Variants in NCKAP5 observed in about 807,000 individuals in gnomAD.
The protein encoded by NCKAP5 is nck-associated protein 5.
Under a neutral mutation model 167.0 loss-of-function variants are expected in NCKAP5, and 92 were observed. The observed-to-expected ratio is 0.55, with a 90% CI of 0.47 to 0.66. The LOEUF (loss-of-function observed/expected upper bound fraction) is 0.66. Ranked by LOEUF, NCKAP5 falls within the 30% of genes least tolerant of loss-of-function variation. The pLI is 0.00. For missense variants in NCKAP5, 2,378 were observed against 2,315.0 expected (o/e 1.03, Z -0.56); for synonymous variants, 891 against 877.4 (o/e 1.02, Z -0.27).
At chr2:133,499,988 A>C (rs1682349887) in intron 3 of NCKAP5, among the ~76,000 whole-genome samples, 1 of 152,140 alleles carries the variant, frequency 6.6e-6, no homozygotes, top group African/African-American at 2.4e-5. Context: ...AAGCACTGTA[A>C]ACACTTCCAA....
At chr2:133,393,506 G>A (rs963361739) in intron 3 of NCKAP5, among the ~76,000 whole-genome samples, 2 of 152,192 alleles carry the variant, frequency 1.3e-5, no homozygotes, top group African/African-American at 4.8e-5. Context: ...CAAAAAGCAA[G>A]CATGTTTCAA....
At chr2:132,721,038 A>G (rs566420209) in intron 19 of NCKAP5, among the ~76,000 whole-genome samples, 1 of 151,238 alleles carries the variant, frequency 6.6e-6, no homozygotes, top group South Asian at 2.1e-4. Context: ...TGCTGTGCAC[A>G]GTAGCTCATG....
intron 3 of NCKAP5, among the ~76,000 whole-genome samples, chr2:133,371,440 T>G (rs538491151): frequency 2.0e-5 from 3 of 152,158 alleles, no homozygotes; most frequent in Non-Finnish European, 2.9e-5. Context: ...TGCTCCTTAA[T>G]GCCATGTGAA....
At chr2:132,744,755 A>G (rs1679501834) in intron 16 of NCKAP5, among the ~76,000 whole-genome samples, 1 of 151,798 alleles carries the variant, frequency 6.6e-6, no homozygotes, top group South Asian at 2.1e-4. Context: ...AAAGACAAAA[A>G]TTCTCAATAT....
At chr2:133,139,265 A>G (rs568231447) in intron 5 of NCKAP5, among the ~76,000 whole-genome samples, 19 of 152,318 alleles carry the variant, frequency 1.2e-4, no homozygotes, top group African/African-American at 4.6e-4. Flanking sequence ...ATTAGCCACA[A>G]CCATATCAGG....
intron 3 of NCKAP5, among the ~76,000 whole-genome samples, chr2:133,313,091 T>C (rs1681359337): frequency 6.6e-6 from 1 of 152,220 alleles, no homozygotes; most frequent in African/African-American, 2.4e-5. Flanking sequence ...CCCTAAAGAA[T>C]GCCCTTCCCA....
At chr2:133,417,146 G>C (rs1461893701) in intron 3 of NCKAP5, among the ~76,000 whole-genome samples, 1 of 148,982 alleles carries the variant, frequency 6.7e-6, no homozygotes, top group Non-Finnish European at 1.5e-5. Flanking sequence ...AAAAGGCAGT[G>C]TTTTGTTTGT....
chr2:132,782,423 C>T lies in NCKAP5; in HGVS notation c.4388G>A (p.Ser1463Asn). Reference protein sequence around the residue: ...DASATATDAVSSEAPLSPTIE... With the variant: ...DASATATDAVNSEAPLSPTIE... ...TGTGGGTGAGAGGGGGGCTTCTGAA[C>T]TCACAGCATCAGTCGCGGTTGCAGA... is the stretch of plus-strand genomic sequence containing the variant. Residue 1463 changes from serine to asparagine, a missense_variant, in exon 14 of 20, where the codon AGT becomes AAT. This residue lies in a region of NCKAP5 where 1,325 missense variants were observed against 1,274.5 expected (regional missense o/e 1.04). Transcript: ENST00000409261. 6.2e-7 allele frequency: 1 copy of T among 1,614,004 alleles called. No individual in the cohort carries two copies. The highest frequency in any genetic ancestry group is 8.5e-7 in the Non-Finnish European group (1 of 1,179,896).
At chr2:133,495,120 G>A (rs1376149495) in intron 3 of NCKAP5, among the ~76,000 whole-genome samples, 1 of 152,074 alleles carries the variant, frequency 6.6e-6, no homozygotes, top group African/African-American at 2.4e-5. Context: ...TGATCTAAAA[G>A]CCTCCAGTTT....
chr2:133,398,307 C>G (rs906641415), intron 3 of NCKAP5, among the ~76,000 whole-genome samples: 5 of 152,152 alleles, frequency 3.3e-5, no homozygotes, highest in African/African-American at 1.2e-4. Flanking sequence ...CTTGGAGTAC[C>G]TAATGCATGC....
At chr2:133,322,629 T>C (rs1394901844) in intron 3 of NCKAP5, among the ~76,000 whole-genome samples, 1 of 152,226 alleles carries the variant, frequency 6.6e-6, no homozygotes, top group African/African-American at 2.4e-5. Context: ...ATTATCTTTC[T>C]AGTAATTTTC....
chr2:133,585,050 T>A, the NCKAP5 span, among the ~76,000 whole-genome samples: 1 of 151,602 alleles, frequency 6.6e-6, no homozygotes. Flanking sequence ...AGAGGGTAAT[T>A]GTGAGATGAC....
At chr2:132,737,418 A>T (rs1209786409) in intron 16 of NCKAP5, among the ~76,000 whole-genome samples, 1 of 152,220 alleles carries the variant, frequency 6.6e-6, no homozygotes, top group African/African-American at 2.4e-5. Context: ...TTGGGGCAGA[A>T]ATATTGTCTG....
intron 2 of NCKAP5, among the ~76,000 whole-genome samples, chr2:133,543,073 G>A (rs1686360041): frequency 6.6e-6 from 1 of 152,156 alleles, no homozygotes. Context: ...TTGGAGGGGG[G>A]ACCTAGTGGG....
rs1397680906 is a variant in NCKAP5, at chr2:132,784,476, T to G, written c.2335A>C (p.Asn779His). 6.3e-7 allele frequency: 1 copy of G among 1,590,234 alleles called. No homozygotes were observed. Among genetic ancestry groups the G allele is most frequent in the South Asian group, 1.2e-5 (1 of 85,852 alleles). The change falls in exon 14 of 20, where the codon AAT (asparagine) becomes CAT (histidine). Residue 779 changes from asparagine to histidine, a missense_variant. This residue lies in a region of NCKAP5 where 1,049 missense variants were observed against 1,023.4 expected (regional missense o/e 1.02). Coordinates refer to ENST00000409261, the MANE Select transcript of NCKAP5 (RefSeq NM_207363.3). ...QQQKLVKPTH[N>H]ISCQSNSRSS... ...CTGGAATTACTCTGGCATGATATAT[T>G]GTGTGTTGGTTTGACCAGCTTTTGC...
At chr2:133,279,579 G>A (rs1213244367) in intron 4 of NCKAP5, among the ~76,000 whole-genome samples, 1 of 152,052 alleles carries the variant, frequency 6.6e-6, no homozygotes, top group Non-Finnish European at 1.5e-5. Context: ...ATCACAGCCA[G>A]TCTTAAGTAA....
intron 5 of NCKAP5, among the ~76,000 whole-genome samples, chr2:133,151,182 A>G (rs1490600799): frequency 2.0e-5 from 3 of 152,218 alleles, no homozygotes; most frequent in African/African-American, 7.2e-5. Context: ...ATACCTCAAT[A>G]AAAAGTTTTT....
Position 132,781,999 on chromosome 2 carries a change from A to G in NCKAP5, c.4812T>C (p.Asn1604=). 2.5e-6 allele frequency: 4 copies of G among 1,613,946 alleles called. No individual in the cohort carries two copies. The highest frequency in any genetic ancestry group is 3.4e-6 in the Non-Finnish European group (4 of 1,179,864). The change falls in exon 14 of 20, where the codon AAT becomes AAC. Residue 1604 remains asparagine, a synonymous_variant. Transcript: ENST00000409261. The part of the protein sequence containing the change: ...IYNQLKIEPR[N]RHSPVACSTK... ...TTGAACATGCAACAGGGCTGTGTCT[A>G]TTCCTTGGTTCAATCTTCAGTTGGT... is the stretch of plus-strand genomic sequence containing the variant.
the NCKAP5 span, among the ~76,000 whole-genome samples, chr2:133,594,713 A>G: frequency 1.8e-4 from 28 of 152,292 alleles, no homozygotes; most frequent in African/African-American, 6.7e-4. Flanking sequence ...TCAAGAGAGA[A>G]CAAGATACAC....
Sources: allele counts gnomAD v4.1 joint callset (sites outside exome capture counted in the v4.1 genomes callset), GRCh38; gene constraint gnomAD v4.1.1; regional missense constraint gnomAD v4.1.1; transcripts MANE v1.5; gene names NCBI Gene and HGNC (gene_info 2026-07-23, HGNC 2026-07-21).